The following ANO2 variants were observed in gnomAD, a reference collection of about 807,000 sequenced individuals.
ANO2 encodes anoctamin 2.
ANO2 carries 101 observed loss-of-function variants against 124.2 expected under a neutral mutation model. That is an observed-to-expected ratio of 0.81 (90% CI 0.69 to 0.96). The LOEUF is 0.96. Among genes scored for constraint, ANO2 ranks in the 40% least tolerant of loss-of-function variants. The pLI, the probability that ANO2 is intolerant of heterozygous loss-of-function variation, is 0.00. For synonymous variants in ANO2, 486 were observed against 482.5 expected (o/e 1.01, Z -0.09); for missense variants, 1,293 against 1,274.5 (o/e 1.01, Z -0.22).
At chr12:5,823,410 A>G (rs1254752866) in intron 7 of ANO2, among the ~76,000 whole-genome samples, 6 of 152,228 alleles carry the variant, frequency 3.9e-5, no homozygotes, top group Admixed American at 3.9e-4. Context: ...TCCACATGGG[A>G]GAAATTGACC....
At chr12:5,593,428 G>C (rs937669730) in intron 20 of ANO2, among the ~76,000 whole-genome samples, 2 of 152,182 alleles carry the variant, frequency 1.3e-5, no homozygotes, top group Non-Finnish European at 2.9e-5. Flanking sequence ...AGCCCTGAGG[G>C]CTTAGAGTTT....
chr12:5,709,377 G>C (rs538995295), intron 14 of ANO2, among the ~76,000 whole-genome samples: 31 of 152,240 alleles, frequency 2.0e-4, no homozygotes, highest in Non-Finnish European at 3.1e-4. Context: ...GCAAATTCCA[G>C]ATCATGCCTT....
At chr12:5,587,873 C>T (rs554017829) in intron 20 of ANO2, among the ~76,000 whole-genome samples, 1 of 152,270 alleles carries the variant, frequency 6.6e-6, no homozygotes, top group African/African-American at 2.4e-5. Context: ...AGCCCCTCCC[C>T]CAAGCCTGCT....
At chr12:5,811,862 C>G (rs752480047) in intron 7 of ANO2, among the ~76,000 whole-genome samples, 9 of 152,130 alleles carry the variant, frequency 5.9e-5, no homozygotes, top group Admixed American at 1.3e-4. Context: ...CCATAATCTC[C>G]CACTTCCAGG....
chr12:5,818,436 A>C (rs1435393323), intron 7 of ANO2, among the ~76,000 whole-genome samples: 2 of 132,456 alleles, frequency 1.5e-5, no homozygotes, highest in African/African-American at 2.8e-5. Context: ...TTAATACTTA[A>C]TAAACTCATA....
chr12:5,916,251 TG>T (rs1941367229), intron 3 of ANO2, among the ~76,000 whole-genome samples: 1 of 152,094 alleles, frequency 6.6e-6, no homozygotes, highest in African/African-American at 2.4e-5. Flanking sequence ...CAATCCAGCC[TG>T]GGTGACAGAG....
At chr12:5,911,152 C>A (rs1941023782) in intron 3 of ANO2, among the ~76,000 whole-genome samples, 2 of 152,202 alleles carry the variant, frequency 1.3e-5, no homozygotes, top group Non-Finnish European at 2.9e-5. Flanking sequence ...CTATTTGATT[C>A]TCCCAGGTCA....
chr12:5,599,762 G>C (rs546954784), intron 19 of ANO2, 133 bp from the exon 20 acceptor site: 19 of 1,013,156 alleles, frequency 1.9e-5, no homozygotes, highest in South Asian at 1.2e-4. Flanking sequence ...TAGAGATAGA[G>C]AGACACTAAA....
chr12:5,722,592 G>A (rs968484189), intron 14 of ANO2, among the ~76,000 whole-genome samples: 2 of 152,218 alleles, frequency 1.3e-5, no homozygotes, highest in Non-Finnish European at 2.9e-5. Flanking sequence ...CGGATGTCAA[G>A]CATTGCTGGG....
intron 7 of ANO2, among the ~76,000 whole-genome samples, chr12:5,812,459 A>AAAGGAAGG (rs1306005456): frequency 1.9e-5 from 2 of 105,436 alleles, no homozygotes; most frequent in Admixed American, 1.0e-4. Flanking sequence ...AGAAAGGAAG[A>AAAGGAAGG]AAGGAAGGAA....
intron 23 of ANO2, among the ~76,000 whole-genome samples, chr12:5,574,811 A>T (rs573438588): frequency 6.6e-6 from 1 of 152,216 alleles, no homozygotes; most frequent in Non-Finnish European, 1.5e-5. Context: ...ACACTAAAAA[A>T]GTCCAGTGTC....
intron 10 of ANO2, among the ~76,000 whole-genome samples, chr12:5,782,310 C>T (rs1330459639): frequency 6.6e-6 from 1 of 152,142 alleles, no homozygotes; most frequent in African/African-American, 2.4e-5. Context: ...ACCTTTTTAA[C>T]ATATCTGTGC....
intron 3 of ANO2, among the ~76,000 whole-genome samples, chr12:5,885,749 T>C (rs562311056): frequency 3.9e-4 from 59 of 152,302 alleles, no homozygotes; most frequent in Middle Eastern, 6.8e-3. Context: ...GATGGGGATA[T>C]TGAGGACTGT....
chr12:5,727,222 T>C (rs1950473327), intron 14 of ANO2, among the ~76,000 whole-genome samples: 1 of 152,114 alleles, frequency 6.6e-6, no homozygotes, highest in Non-Finnish European at 1.5e-5. Context: ...CTGTGAGATC[T>C]GGTCATTTAA....
chr12:5,700,940 C>G (rs1300363027), intron 14 of ANO2, among the ~76,000 whole-genome samples: 4 of 152,130 alleles, frequency 2.6e-5, no homozygotes, highest in Non-Finnish European at 5.9e-5. Context: ...CGTTTTTCTT[C>G]CCTATATAAT....
rs12314571 is a variant in ANO2 at position 5,575,772 on chromosome 12, C to A, written c.2621+62G>T. ...CAGGGTTGTAATTCTAGGTCGTCCC[C>A]GTAATTATTTGGATCTATTGCTTCT... is the stretch of plus-strand genomic sequence containing the variant. On this transcript the variant is annotated intron_variant, in intron 23 of 24. Coordinates refer to ENST00000682330, the MANE Select transcript of ANO2 (RefSeq NM_001364791.2). The A allele has an allele frequency of 3.9e-6, 6 of 1,547,074 alleles. No homozygotes were observed. In the Admixed American group the frequency reaches 7.2e-5, roughly 19 times the overall value.
At chr12:5,752,766 G>C (rs945309441) in intron 10 of ANO2, among the ~76,000 whole-genome samples, 1 of 151,992 alleles carries the variant, frequency 6.6e-6, no homozygotes, top group African/African-American at 2.4e-5. Context: ...TTTGTTGCTT[G>C]TGCTTTCTGT....
chr12:5,754,461 G>GT (rs1448577686), intron 10 of ANO2, among the ~76,000 whole-genome samples: 3 of 151,970 alleles, frequency 2.0e-5, no homozygotes, highest in African/African-American at 7.2e-5. Flanking sequence ...CTCTTTTCCT[G>GT]TTTTTTGGAA....
intron 14 of ANO2, among the ~76,000 whole-genome samples, chr12:5,698,098 G>C (rs1291314098): frequency 6.6e-5 from 10 of 152,238 alleles, no homozygotes; most frequent in Non-Finnish European, 1.5e-4. Context: ...GAAGAGAGTA[G>C]TGGTTCTCTC....
Sources: allele counts gnomAD v4.1 joint callset (sites outside exome capture counted in the v4.1 genomes callset), GRCh38; gene constraint gnomAD v4.1.1; transcripts MANE v1.5; gene names NCBI Gene and HGNC (gene_info 2026-07-23, HGNC 2026-07-21).